Variants in CDIN1 observed in about 807,000 individuals in gnomAD.
The protein encoded by CDIN1 is CDAN1-interacting nuclease 1.
A neutral mutation model predicts 45.3 loss-of-function variants in CDIN1; 33 were observed. The ratio of observed to expected loss-of-function variants is 0.73; its 90% CI spans 0.55 to 0.97. The LOEUF (loss-of-function observed/expected upper bound fraction) is 0.97, where lower values mean the gene tolerates loss of function less well. CDIN1 is among the 50% of genes least tolerant of loss of function. The pLI, the probability that CDIN1 is intolerant of heterozygous loss-of-function variation, is 0.00. For missense variants in CDIN1, 303 were observed against 339.4 expected (o/e 0.89, Z 0.84); for synonymous variants, 118 against 124.4 (o/e 0.95, Z 0.34).
chr15:36,748,489 C>G (rs2044525626), intron 10 of CDIN1, among the ~76,000 whole-genome samples: 2 of 152,100 alleles, frequency 1.3e-5, no homozygotes. Flanking sequence ...AAGTTTGCCT[C>G]CAGCAGAGGC....
intron 1 of CDIN1, chr15:36,627,601 G>C (rs892041551): frequency 6.6e-6 from 1 of 152,586 alleles, no homozygotes; most frequent in Non-Finnish European, 1.5e-5. Context: ...GCATGGTGCC[G>C]CTGCAGAGCA....
intron 1 of CDIN1, among the ~76,000 whole-genome samples, chr15:36,590,317 A>AT (rs1378104082): frequency 1.3e-5 from 2 of 152,332 alleles, no homozygotes; most frequent in East Asian, 3.9e-4. Context: ...TGTGTTTGAA[A>AT]TACTATGATT....
At chr15:36,721,751 C>A (rs1389684519) in intron 10 of CDIN1, among the ~76,000 whole-genome samples, 2 of 151,646 alleles carry the variant, frequency 1.3e-5, no homozygotes, top group African/African-American at 4.8e-5. Context: ...TGAGGGAGAC[C>A]TATTTAAGTT....
chr15:36,728,865 G>A (rs1011215604), intron 10 of CDIN1, among the ~76,000 whole-genome samples: 9 of 151,928 alleles, frequency 5.9e-5, no homozygotes, highest in African/African-American at 1.9e-4. Context: ...GTAGAGACGG[G>A]GTTTCACCAT....
At chr15:36,594,305 A>G (rs1257382359) in intron 1 of CDIN1, among the ~76,000 whole-genome samples, 1 of 152,198 alleles carries the variant, frequency 6.6e-6, no homozygotes, top group Non-Finnish European at 1.5e-5. Flanking sequence ...TGACACTTTG[A>G]AAAAAAGTTG....
intron 10 of CDIN1, among the ~76,000 whole-genome samples, chr15:36,746,752 C>CTTTTTTTT (rs760613983): frequency 2.7e-5 from 2 of 74,346 alleles, no homozygotes; most frequent in Non-Finnish European, 2.4e-5. Flanking sequence ...GGAAACGTGT[C>CTTTTTTTT]TTTTTTTTTT....
intron 1 of CDIN1, among the ~76,000 whole-genome samples, chr15:36,592,948 T>C (rs899496402): frequency 4.6e-5 from 7 of 152,226 alleles, no homozygotes; most frequent in Non-Finnish European, 8.8e-5. Context: ...AGCTCAGATG[T>C]TACATTTTCA....
intron 8 of CDIN1, 77 bp from the exon 9 acceptor site, chr15:36,709,146 A>T: frequency 8.1e-7 from 1 of 1,236,524 alleles, no homozygotes; most frequent in Non-Finnish European, 1.1e-6. Context: ...ATACATATTT[A>T]AGAAATAAAA....
At chr15:36,640,646 T>C (rs1187371879) in intron 1 of CDIN1, 1 of 985,280 alleles carries the variant, frequency 1.0e-6, no homozygotes, top group African/African-American at 1.7e-5. Context: ...AAATACGTGA[T>C]GTCTTCTCTT....
In CDIN1 at chr15:36,808,599, C is replaced by A; in HGVS notation, c.*146C>A. On this transcript the variant is annotated 3_prime_UTR_variant, in exon 11 of 11. Coordinates refer to ENST00000566621, the MANE Select transcript of CDIN1 (RefSeq NM_001321759.2). ...GTAGTCACACCACTACCTCTTTAGA[C>A]AAACATATCAAGAGTTTCTGTTTTC... 1.9e-6 allele frequency: 2 copies of A among 1,069,816 alleles called. No individual in the cohort carries two copies. The highest frequency in any genetic ancestry group is 2.7e-6 in the Non-Finnish European group (2 of 753,408). 66.3% of individuals were successfully genotyped at this position (1,069,816 alleles called of 1,614,324 possible). A position where few individuals can be genotyped will look rare whatever the true frequency, so the allele number is the denominator to read the frequency against.
At chr15:36,714,125 C>T (rs2043143877) in intron 10 of CDIN1, among the ~76,000 whole-genome samples, 1 of 151,946 alleles carries the variant, frequency 6.6e-6, no homozygotes, top group South Asian at 2.1e-4. Context: ...GAATTCAACT[C>T]GAAGTATAGT....
At chr15:36,599,796 C>T (rs905243611) in intron 1 of CDIN1, among the ~76,000 whole-genome samples, 2 of 152,204 alleles carry the variant, frequency 1.3e-5, no homozygotes, top group African/African-American at 2.4e-5. Flanking sequence ...GTGCAGTGTA[C>T]ATAACACAGA....
chr15:36,642,183 G>A (rs1274012475), intron 1 of CDIN1, among the ~76,000 whole-genome samples: 3 of 152,148 alleles, frequency 2.0e-5, no homozygotes, highest in Admixed American at 1.3e-4. Flanking sequence ...AATATACACT[G>A]AAGTCAATGT....
At chr15:36,601,475 T>C (rs965156561) in intron 1 of CDIN1, among the ~76,000 whole-genome samples, 3 of 152,194 alleles carry the variant, frequency 2.0e-5, no homozygotes, top group African/African-American at 7.2e-5. Flanking sequence ...AACGACCTAC[T>C]GAGGTGATCT....
At chr15:36,608,869 G>T (rs999738086) in intron 1 of CDIN1, among the ~76,000 whole-genome samples, 1 of 151,790 alleles carries the variant, frequency 6.6e-6, no homozygotes, top group African/African-American at 2.4e-5. Flanking sequence ...TAAAAGTTAG[G>T]CATGCTTTTA....
At chr15:36,761,916 A>C (rs966875729) in intron 10 of CDIN1, among the ~76,000 whole-genome samples, 3 of 152,140 alleles carry the variant, frequency 2.0e-5, no homozygotes, top group Non-Finnish European at 2.9e-5. Context: ...AACACTAATA[A>C]ATTTAATGGG....
chr15:36,735,911 A>G (rs1430065356), intron 10 of CDIN1, among the ~76,000 whole-genome samples: 2 of 152,202 alleles, frequency 1.3e-5, no homozygotes, highest in East Asian at 1.9e-4. Context: ...CAGCTGCAGA[A>G]CAGAATTAAA....
At chr15:36,775,893 T>C (rs937946965) in intron 10 of CDIN1, among the ~76,000 whole-genome samples, 1 of 152,254 alleles carries the variant, frequency 6.6e-6, no homozygotes, top group Non-Finnish European at 1.5e-5. Context: ...TATATGTATG[T>C]ACGTATGTAT....
intron 5 of CDIN1, among the ~76,000 whole-genome samples, chr15:36,679,664 A>G (rs754292315): frequency 2.0e-5 from 3 of 152,202 alleles, no homozygotes; most frequent in Non-Finnish European, 4.4e-5. Flanking sequence ...TGGTCCTGTT[A>G]TATGACTTTC....
Sources: gnomAD v4.1 joint callset for allele counts (sites outside exome capture counted in the v4.1 genomes callset) on GRCh38, gnomAD v4.1.1 for gene constraint, MANE v1.5 for transcripts, NCBI Gene and HGNC (gene_info 2026-07-23, HGNC 2026-07-21) for gene names.